The following RANBP2 variants were observed in gnomAD, a reference collection of about 807,000 sequenced individuals.
RANBP2 encodes E3 SUMO-protein ligase RanBP2.
In RANBP2, 57 loss-of-function variants were observed where a neutral mutation model predicts 303.6. The observed-to-expected ratio is 0.19, with a 90% CI of 0.15 to 0.23. The LOEUF is 0.23. RANBP2 is among the 10% of genes least tolerant of loss of function. The probability of loss-of-function intolerance (pLI) is 1.00; values close to 1 mark genes in which losing one functional copy is unlikely to be tolerated. For synonymous variants in RANBP2, 1,167 were observed against 1,301.5 expected, an observed-to-expected ratio of 0.90 and a Z score of 2.23; for missense variants, 3,138 against 3,780.8, an observed-to-expected ratio of 0.83 and a Z score of 4.46.
chr2:109,103,812 G>A, the RANBP2 span, among the ~76,000 whole-genome samples: 1 of 129,874 alleles, frequency 7.7e-6, no homozygotes, highest in African/African-American at 3.0e-5. Flanking sequence ...TTTTTTTTTT[G>A]AGATGGAGTC....
the RANBP2 span, among the ~76,000 whole-genome samples, chr2:109,284,723 G>T: frequency 6.6e-6 from 1 of 152,162 alleles, no homozygotes; most frequent in Non-Finnish European, 1.5e-5. Flanking sequence ...ATCATCTTCT[G>T]TGCACACCTC....
At chr2:109,416,056 C>T in the RANBP2 span, among the ~76,000 whole-genome samples, 2 of 152,214 alleles carry the variant, frequency 1.3e-5, no homozygotes, top group East Asian at 1.9e-4. Context: ...AGAAGGCTGT[C>T]ACCAGAAGTG....
the RANBP2 span, among the ~76,000 whole-genome samples, chr2:109,153,361 A>G: frequency 1.3e-5 from 2 of 152,216 alleles, no homozygotes; most frequent in African/African-American, 4.8e-5. Context: ...GTGATTTAAA[A>G]AAATTTGTAT....
chr2:109,634,605 T>C, the RANBP2 span, among the ~76,000 whole-genome samples: 1 of 152,190 alleles, frequency 6.6e-6, no homozygotes. Flanking sequence ...AGAACTATAC[T>C]GGGGCTGATA....
the RANBP2 span, among the ~76,000 whole-genome samples, chr2:109,345,361 G>A: frequency 1.3e-5 from 2 of 152,158 alleles, no homozygotes; most frequent in African/African-American, 2.4e-5. Context: ...CAGATAGCAC[G>A]AGCCGGCCGC....
the RANBP2 span, chr2:108,815,865 T>A: frequency 8.3e-7 from 1 of 1,210,478 alleles, no homozygotes; most frequent in Non-Finnish European, 1.2e-6. Context: ...TCTTATTACT[T>A]AACAAATTTA....
At chr2:109,609,673 A>C in the RANBP2 span, among the ~76,000 whole-genome samples, 1 of 152,146 alleles carries the variant, frequency 6.6e-6, no homozygotes, top group Non-Finnish European at 1.5e-5. Flanking sequence ...TCAAGACAGA[A>C]AGTAAAACAA....
chr2:109,579,745 T>C, the RANBP2 span, among the ~76,000 whole-genome samples: 11 of 152,210 alleles, frequency 7.2e-5, no homozygotes, highest in Non-Finnish European at 1.6e-4. Flanking sequence ...TCTAATCTTA[T>C]GCAAATTTTT....
At chr2:109,041,185 A>C in the RANBP2 span, among the ~76,000 whole-genome samples, 1 of 152,232 alleles carries the variant, frequency 6.6e-6, no homozygotes, top group African/African-American at 2.4e-5. Context: ...CAACGTTGCT[A>C]AACACAGTTA....
At chr2:109,626,441 C>T in the RANBP2 span, among the ~76,000 whole-genome samples, 6,798 of 152,032 alleles carry the variant, frequency 0.045, 530 homozygotes, top group African/African-American at 0.16. Flanking sequence ...TGCACTCCAG[C>T]CTGGGCAAAA....
At chr2:109,596,260 A>T in the RANBP2 span, among the ~76,000 whole-genome samples, 1,835 of 152,282 alleles carry the variant, frequency 0.012, 18 homozygotes, top group Non-Finnish European at 0.019. Flanking sequence ...TAATGATAGC[A>T]TATCATGAGT....
the RANBP2 span, among the ~76,000 whole-genome samples, chr2:109,683,286 G>A: frequency 0.96 from 146,112 of 152,262 alleles, 70,388 homozygotes; most frequent in Middle Eastern, 1. Flanking sequence ...GATTATAAGC[G>A]TGAGCCACTG....
chr2:108,766,160 T>G lies in RANBP2; in HGVS notation c.5621T>G (p.Phe1874Cys). The change falls in exon 20 of 29, where the codon TTT (phenylalanine) becomes TGT (cysteine). Residue 1874 changes from phenylalanine (F) to cysteine (C), a missense_variant. Physicochemically the swap from Phe to Cys is radical, Grantham distance 205. Around this residue, in one of 20 missense-constraint regions of RANBP2, gnomAD observed 348 missense variants for 360.4 expected, o/e 0.97. Transcript: ENST00000283195. ...CAAGAAAATTCACCTTCATTTATGT[T>G]TCAGGGTTCTTCTAATACAGAATTT... ...VDQENSPSFM[F>C]QGSSNTEFKS... 6.2e-7 allele frequency: 1 copy of G among 1,612,760 alleles called. No homozygotes were observed.
the RANBP2 span, among the ~76,000 whole-genome samples, chr2:109,289,090 G>A: frequency 2.0e-5 from 3 of 152,172 alleles, no homozygotes; most frequent in Admixed American, 6.5e-5. Flanking sequence ...AGGAGCTGGC[G>A]TTATAAAGCT....
chr2:108,765,128 A>G lies in RANBP2; in HGVS notation c.4589A>G (p.Lys1530Arg), dbSNP rs754411217. 1.2e-6 allele frequency: 2 copies of G among 1,614,124 alleles called. No individual in the cohort carries two copies. The highest frequency in any genetic ancestry group is 1.7e-6 in the Non-Finnish European group (2 of 1,179,976). Residue 1530 changes from lysine to arginine, a missense_variant, in exon 20 of 29, where the codon AAA (lysine) becomes AGA (arginine). Physicochemically the swap from Lys to Arg is conservative, Grantham distance 26. Around this residue, in one of 20 missense-constraint regions of RANBP2, gnomAD observed 388 missense variants for 328.5 expected, o/e 1.18. Transcript: ENST00000283195. ...AAGTTTGGTACTTCAGAGACAAGTA[A>G]AACTCTAAAAAGTGGATTTGAAGAC... is the stretch of plus-strand genomic sequence containing the variant. Reference protein sequence around the residue: ...SFKFGTSETSKTLKSGFEDMF... With the variant: ...SFKFGTSETSRTLKSGFEDMF...
chr2:109,679,737 T>C, the RANBP2 span, among the ~76,000 whole-genome samples: 3 of 152,256 alleles, frequency 2.0e-5, no homozygotes, highest in Non-Finnish European at 4.4e-5. Flanking sequence ...GGGTCCTAAC[T>C]CCATTCCTGA....
At chr2:109,232,152 C>A in the RANBP2 span, among the ~76,000 whole-genome samples, 1 of 152,150 alleles carries the variant, frequency 6.6e-6, no homozygotes, top group East Asian at 1.9e-4. Context: ...GTGGAATGAC[C>A]AGATCATGTG....
At position 108,763,769 on chromosome 2, in the gene RANBP2, A is replaced by C; in HGVS notation, c.3230A>C (p.Gln1077Pro). ...LGLLTSDKPL[Q>P]GDGYSGAKPI... ...CTCCTGACTTCAGATAAACCCTTGC[A>C]AGGAGATGGCTATAGTGGAGCCAAA... Residue 1077 changes from glutamine (Q) to proline (P), a missense_variant, in exon 20 of 29, where the codon CAA becomes CCA. Around this residue, in one of 20 missense-constraint regions of RANBP2, gnomAD observed 403 missense variants for 376.7 expected, o/e 1.07. Transcript: ENST00000283195. 1 of 1,614,098 alleles carries C rather than the reference A, an allele frequency of 6.2e-7. No individual in the cohort carries two copies. The highest frequency in any genetic ancestry group is 8.5e-7 in the Non-Finnish European group (1 of 1,179,974).
At position 108,768,539 on chromosome 2, in the gene RANBP2, T is replaced by A. The variant is rs1188992899; in HGVS notation, c.7849+151T>A. The A allele has an allele frequency of 4.2e-6, 6 of 1,425,736 alleles. No individual in the cohort carries two copies. The Admixed American group carries it at 1.3e-4, about 30-fold the overall frequency. The allele number at this position is 1,425,736 out of a possible 1,614,324, so 88.3% of individuals were successfully genotyped here. A position where few individuals can be genotyped will look rare whatever the true frequency, so the allele number is the denominator to read the frequency against. On this transcript the variant is annotated intron_variant, in intron 20 of 28. Transcript: ENST00000283195. ...TTGAGCAATTTTTTTTCTCCCTTAATAAGTTCACGGTGAGGTTTCAAAGAG... is the reference window on the plus strand; with the variant it reads ...TTGAGCAATTTTTTTTCTCCCTTAAAAAGTTCACGGTGAGGTTTCAAAGAG...
Sources: allele counts gnomAD v4.1 joint callset (sites outside exome capture counted in the v4.1 genomes callset), GRCh38; gene constraint gnomAD v4.1.1; regional missense constraint gnomAD v4.1.1; transcripts MANE v1.5; gene names NCBI Gene and HGNC (gene_info 2026-07-23, HGNC 2026-07-21).